CA6: variants seen among roughly 807,000 people sequenced by gnomAD.
The protein encoded by CA6 is carbonic anhydrase 6.
A neutral mutation model predicts 35.9 loss-of-function variants in CA6; 28 were observed. That is an observed-to-expected ratio of 0.78 (90% confidence interval 0.58 to 1.07). The LOEUF (loss-of-function observed/expected upper bound fraction) is 1.07. Ranked by LOEUF, CA6 falls within the 50% of genes least tolerant of loss-of-function variation. The pLI is 0.00. For synonymous variants in CA6, 148 were observed against 152.6 expected, an observed-to-expected ratio of 0.97 and a Z score of 0.22; for missense variants, 377 against 382.0, an observed-to-expected ratio of 0.99 and a Z score of 0.11.
At chr1:8,966,993 A>AAC (rs1639985416) in intron 5 of CA6, among the ~76,000 whole-genome samples, 1 of 151,336 alleles carries the variant, frequency 6.6e-6, no homozygotes, top group African/African-American at 2.4e-5. Context: ...TAATAAAAAA[A>AAC]ACAACTTATT....
chr1:8,973,407 G>A (rs1279208434), intron 7 of CA6, among the ~76,000 whole-genome samples: 1 of 152,184 alleles, frequency 6.6e-6, no homozygotes, highest in East Asian at 1.9e-4. Flanking sequence ...AACAGACTGC[G>A]TATCGTTCTA....
rs146462473 is a variant in CA6, at chr1:8,963,076, G to A, written c.571+420G>A. On this transcript the variant is annotated intron_variant, in intron 5 of 7. Coordinates refer to ENST00000377443, the MANE Select transcript of CA6 (RefSeq NM_001215.4). The surrounding 1 kb of genome is among the most constrained non-coding windows in gnomAD (Gnocchi z 4.1). The stretch of plus-strand genomic sequence containing the variant: ...ATCCAGACACTCGGGGTGTTCTTCC[G>A]TCCCCTCTCCTCCAGAGGGCGGCGT... 1.1e-4 allele frequency among the ~76,000 whole-genome samples: 17 copies of A among 152,192 alleles called. No individual in the cohort carries two copies. In the East Asian group the frequency reaches 1.9e-3, roughly 17 times the overall value.
chr1:8,973,718 TTC>T (rs1370296054), intron 7 of CA6, among the ~76,000 whole-genome samples: 1 of 9,640 alleles, frequency 1.0e-4, no homozygotes, highest in Non-Finnish European at 1.9e-4. Flanking sequence ...CTCTCTTTCT[TTC>T]TTTCTTTCTT....
Position 8,958,923 on chromosome 1 carries a change from A to C in CA6, c.422A>C (p.His141Pro). The C allele has an allele frequency of 2.5e-6, 4 of 1,603,640 alleles. No individual in the cohort carries two copies. The highest frequency in any genetic ancestry group is 3.4e-6 in the Non-Finnish European group (4 of 1,171,038). Residue 141 changes from histidine to proline, a missense_variant, in exon 4 of 8, where the codon CAC becomes CCC. By Grantham distance (77) the His-to-Pro change is moderately conservative. Coordinates refer to ENST00000377443, the MANE Select transcript of CA6 (RefSeq NM_001215.4). The stretch of plus-strand genomic sequence containing the variant: ...TTGCTCTTACAGATTCACATTGTTC[A>C]CTACAATTCTAAATACAAGAGCTAT... The part of the protein sequence containing the change: ...IRHVIEIHIV[H>P]YNSKYKSYDI...
At chr1:8,964,954 C>G (rs1250632218) in intron 5 of CA6, among the ~76,000 whole-genome samples, 2 of 152,082 alleles carry the variant, frequency 1.3e-5, no homozygotes, top group African/African-American at 4.8e-5. Context: ...TTAAAACTTA[C>G]CACTTAAGGC....
At chr1:8,970,737 G>A in intron 6 of CA6, 130 bp from the exon 7 acceptor site, 1 of 690,776 alleles carries the variant, frequency 1.4e-6, no homozygotes, top group Non-Finnish European at 2.7e-6. Context: ...CTGAGCTCAA[G>A]TGATCTGCCC....
At chr1:8,953,102 C>T (rs766210597) in intron 2 of CA6, among the ~76,000 whole-genome samples, 54 of 152,182 alleles carry the variant, frequency 3.5e-4, no homozygotes, top group Non-Finnish European at 6.8e-4. Context: ...TTTCCTCTTC[C>T]AAAATGTCAT....
intron 2 of CA6, among the ~76,000 whole-genome samples, chr1:8,953,501 C>T (rs375486806): frequency 6.6e-6 from 1 of 152,200 alleles, no homozygotes; most frequent in East Asian, 1.9e-4. Context: ...AACATACAGT[C>T]CTGGCTACAT....
intron 6 of CA6, among the ~76,000 whole-genome samples, chr1:8,969,844 C>T (rs1016121502): frequency 6.6e-6 from 1 of 151,452 alleles, no homozygotes; most frequent in Non-Finnish European, 1.5e-5. Context: ...TTCAAAGTGC[C>T]GAGGGAAAAA....
intron 6 of CA6, among the ~76,000 whole-genome samples, chr1:8,970,263 G>T (rs1267192050): frequency 6.8e-6 from 1 of 147,640 alleles, no homozygotes; most frequent in Non-Finnish European, 1.5e-5. Flanking sequence ...AACAAAAATT[G>T]AGTTTGCCAC....
At chr1:8,973,102 C>A (rs1640151435) in intron 7 of CA6, among the ~76,000 whole-genome samples, 1 of 152,112 alleles carries the variant, frequency 6.6e-6, no homozygotes, top group Non-Finnish European at 1.5e-5. Flanking sequence ...TCACTGCAAC[C>A]TCCGCCTCCC....
chr1:8,946,811 T>G (rs1009848241), intron 1 of CA6, among the ~76,000 whole-genome samples: 21 of 148,842 alleles, frequency 1.4e-4, no homozygotes, highest in Non-Finnish European at 2.7e-4. Context: ...TTTTGTTTTT[T>G]TTTTTTTTTT....
intron 7 of CA6, among the ~76,000 whole-genome samples, chr1:8,971,518 C>T (rs1640110597): frequency 6.6e-6 from 1 of 151,960 alleles, no homozygotes; most frequent in Non-Finnish European, 1.5e-5. Flanking sequence ...GCCATATTGG[C>T]CAGGCTGGTC....
chr1:8,949,205 G>A (rs186673663), intron 1 of CA6, 58 bp from the exon 2 acceptor site: 5 of 1,384,432 alleles, frequency 3.6e-6, no homozygotes, highest in South Asian at 2.9e-5. Context: ...GCCTGGTGAG[G>A]TTCCTCCAGA....
chr1:8,960,588 G>C (rs901119267), intron 4 of CA6, among the ~76,000 whole-genome samples: 2 of 151,946 alleles, frequency 1.3e-5, no homozygotes, highest in South Asian at 4.2e-4. Flanking sequence ...AGAATCACTA[G>C]ATGGGCCCAA....
chr1:8,957,194 T>G lies in CA6; in HGVS notation c.317T>G (p.Ile106Arg). The change falls in exon 3 of 8, where the codon ATA (isoleucine) becomes AGA (arginine). Residue 106 changes from isoleucine to arginine, a missense_variant. Transcript: ENST00000377443. ...ACAGTGGCTGACGGCACTGTATACA[T>G]AGCCCAGCAGATGCACTTTCACTGG... ...RMTVADGTVY[I>R]AQQMHFHWGG... 1.2e-6 allele frequency: 2 copies of G among 1,613,910 alleles called. No individual in the cohort carries two copies. Among genetic ancestry groups the G allele is most frequent in the Non-Finnish European group, 1.7e-6 (2 of 1,179,890 alleles).
At position 8,967,578 on chromosome 1, in the gene CA6, G is replaced by C. The variant is rs1186937081; in HGVS notation, c.572-81G>C. On this transcript the variant is annotated intron_variant, in intron 5 of 7. Transcript: ENST00000377443. ...TGCTGAACTCAAGAGATTGGAACCT[G>C]GCGAGGCCTGGGCCTGAGCTGTCCT... 3 of 1,132,948 alleles carry C rather than the reference G, an allele frequency of 2.6e-6. No individual in the cohort carries two copies. The African/African-American group carries it at 4.7e-5, about 18-fold the overall frequency. The allele number at this position is 1,132,948 out of a possible 1,614,324, so 70.2% of individuals were successfully genotyped here.
At chr1:8,948,863 C>A (rs11121272) in intron 1 of CA6, among the ~76,000 whole-genome samples, 2 of 151,224 alleles carry the variant, frequency 1.3e-5, no homozygotes, top group South Asian at 4.2e-4. Flanking sequence ...CCAGCTACTC[C>A]GGAGGCTGAT....
intron 1 of CA6, among the ~76,000 whole-genome samples, chr1:8,946,257 C>G (rs1013750178): frequency 6.6e-6 from 1 of 152,012 alleles, no homozygotes; most frequent in Non-Finnish European, 1.5e-5. Context: ...AGGCTGGTCT[C>G]GAACTCCTGA....
Sources: allele counts gnomAD v4.1 joint callset (sites outside exome capture counted in the v4.1 genomes callset), GRCh38; gene constraint gnomAD v4.1.1; non-coding constraint Gnocchi (gnomAD v3.1); transcripts MANE v1.5; gene names NCBI Gene and HGNC (gene_info 2026-07-23, HGNC 2026-07-21).